Variants in FGB observed in about 807,000 individuals in gnomAD.
The protein encoded by FGB is fibrinogen beta chain, also known as beta-fibrinogen.
A neutral mutation model predicts 57.9 loss-of-function variants in FGB; 25 were observed. The observed-to-expected ratio is 0.43, with a 90% CI of 0.31 to 0.60. The LOEUF is 0.60. FGB is among the 20% of genes least tolerant of loss of function. The probability of loss-of-function intolerance (pLI) is 0.08; values close to 1 mark genes in which losing one functional copy is unlikely to be tolerated. For synonymous variants in FGB, 203 were observed against 199.2 expected (o/e 1.02, Z -0.16); for missense variants, 536 against 598.4 (o/e 0.90, Z 1.09).
chr4:154,568,583 T>C (rs1661717041), intron 5 of FGB, 89 bp downstream of exon 5: 1 of 794,080 alleles, frequency 1.3e-6, no homozygotes, highest in African/African-American at 1.7e-5. Flanking sequence ...TGGTGGCTCA[T>C]ACCTGTAATT....
In FGB at chr4:154,566,431, A is replaced by C. The variant is rs1041760497; in HGVS notation, c.307-58A>C. On this transcript the variant is annotated intron_variant, in intron 2 of 7. Transcript: ENST00000302068. ...GCTGAATTTTCCTATGTGCTATTTT[A>C]ACAAATGTCCATGACCCAAATCCTT... 2.0e-6 allele frequency: 3 copies of C among 1,506,536 alleles called. No individual in the cohort carries two copies. The African/African-American group carries it at 4.1e-5, about 21-fold the overall frequency. The allele number at this position is 1,506,536 out of a possible 1,614,324, so 93.3% of individuals were successfully genotyped here.
Position 154,568,363 on chromosome 4 carries a change from G to T in FGB, c.719-18G>T, listed in dbSNP as rs1467274027. The T allele has an allele frequency of 7.8e-7, 1 of 1,277,042 alleles. No individual in the cohort carries two copies. Among genetic ancestry groups the T allele is most frequent in the Non-Finnish European group, 1.1e-6 (1 of 872,358 alleles). The allele number at this position is 1,277,042 out of a possible 1,614,324, so 79.1% of individuals were successfully genotyped here. A position where few individuals can be genotyped will look rare whatever the true frequency, so the allele number is the denominator to read the frequency against. On this transcript the variant is annotated intron_variant, in intron 4 of 7. Coordinates refer to ENST00000302068, the MANE Select transcript of FGB (RefSeq NM_005141.5). The stretch of plus-strand genomic sequence containing the variant: ...TATGTCATAAACCCCTGAACATAAT[G>T]TTGTCTTACATTTGCAGAATGTGAG...
In FGB at chr4:154,567,625, G is replaced by A. The variant is rs1730213807; in HGVS notation, c.523G>A (p.Glu175Lys). 2.5e-6 allele frequency: 4 copies of A among 1,610,222 alleles called. No homozygotes were observed. Among genetic ancestry groups the A allele is most frequent in the Non-Finnish European group, 3.4e-6 (4 of 1,176,560 alleles). The change falls in exon 4 of 8, where the codon GAA (glutamate) becomes AAA (lysine). Residue 175 changes from glutamate to lysine, a missense_variant. By Grantham distance (56) the Glu-to-Lys change is moderately conservative (BLOSUM62 1). Transcript: ENST00000302068. The part of the protein sequence containing the change: ...NENVVNEYSS[E>K]LEKHQLYIDE... ...AAATGTAGTCAATGAGTACTCCTCA[G>A]AACTGGAAAAGCACCAATTATATAT... is the stretch of plus-strand genomic sequence containing the variant.
intron 1 of FGB, 35 bp downstream of exon 1, chr4:154,563,167 G>A (rs1458513913): frequency 9.5e-6 from 8 of 840,058 alleles, no homozygotes; most frequent in African/African-American, 1.7e-5. Context: ...ATTATTAGTA[G>A]TATTATTAAT....
chr4:154,568,898 C>T (rs1730292184), intron 5 of FGB, among the ~76,000 whole-genome samples: 1 of 151,948 alleles, frequency 6.6e-6, no homozygotes, highest in South Asian at 2.1e-4. Context: ...CAAGACTTAG[C>T]TCTAACATCT....
In FGB at chr4:154,571,670, C is replaced by CT. The variant is rs1315462849; in HGVS notation, c.*1028dup. On this transcript the variant is annotated 3_prime_UTR_variant, in exon 8 of 8. Coordinates refer to ENST00000302068, the MANE Select transcript of FGB (RefSeq NM_005141.5). ...AGGTCTATTCTTGTCCTCAATTAGG[C>CT]TTTTTTTTCTTCATAGTTACACCAG... Among the ~76,000 whole-genome samples, 6 of 151,834 alleles carry CT rather than the reference C, an allele frequency of 4.0e-5. No homozygotes were observed. In the East Asian group the frequency reaches 1.2e-3, roughly 29 times the overall value.
chr4:154,568,061 C>T (rs936638451), intron 4 of FGB, among the ~76,000 whole-genome samples: 3 of 152,102 alleles, frequency 2.0e-5, no homozygotes, highest in African/African-American at 4.8e-5. Flanking sequence ...TGTGCATCTG[C>T]GTACTGGCTT....
chr4:154,564,011 G>T (rs748964022), intron 1 of FGB, among the ~76,000 whole-genome samples: 1 of 151,914 alleles, frequency 6.6e-6, no homozygotes, highest in Non-Finnish European at 1.5e-5. Context: ...GACTCTACAT[G>T]TAAGAACATA....
intron 1 of FGB, among the ~76,000 whole-genome samples, chr4:154,563,620 C>T (rs1730038650): frequency 6.6e-6 from 1 of 151,860 alleles, no homozygotes; most frequent in Non-Finnish European, 1.5e-5. Context: ...AAGCAAAATA[C>T]ATCAAGTGTA....
chr4:154,568,991 G>A (rs576117313), intron 5 of FGB, among the ~76,000 whole-genome samples, 191 bp from the exon 6 acceptor site: 1 of 152,206 alleles, frequency 6.6e-6, no homozygotes, highest in South Asian at 2.1e-4. Flanking sequence ...TCACAATTTG[G>A]GGTAAGATAA....
In FGB at chr4:154,569,235, T is replaced by C; in HGVS notation, c.886T>C (p.Trp296Arg). Residue 296 changes from tryptophan to arginine, a missense_variant, in exon 6 of 8, where the codon TGG (tryptophan) becomes CGG (arginine). By Grantham distance (101) the Trp-to-Arg change is moderately radical. Transcript: ENST00000302068. ...QDGSVDFGRKWDPYKQGFGNV... is the reference protein window; with the variant it reads ...QDGSVDFGRKRDPYKQGFGNV... ...CGGTAGTGTTGACTTTGGCAGGAAA[T>C]GGGATCCATATAAACAGGGATTTGG... 6.2e-7 allele frequency: 1 copy of C among 1,614,034 alleles called. No homozygotes were observed.
rs1464691537 is a variant in FGB, at chr4:154,571,393, T to C, written c.*743T>C. ...GCAGGTGCCTGTAGTCCCAGCTACC[T>C]GTGAGGTGGAGATTGCATTGAGCCA... On this transcript the variant is annotated 3_prime_UTR_variant, in exon 8 of 8. Transcript: ENST00000302068. 6.6e-6 allele frequency among the ~76,000 whole-genome samples: 1 copy of C among 150,906 alleles called. No individual in the cohort carries two copies. The highest frequency in any genetic ancestry group is 1.5e-5 in the Non-Finnish European group (1 of 67,852).
intron 3 of FGB, among the ~76,000 whole-genome samples, chr4:154,567,236 G>C (rs1028713083): frequency 1.3e-5 from 2 of 152,156 alleles, no homozygotes; most frequent in Non-Finnish European, 2.9e-5. Flanking sequence ...ATGTGAAATG[G>C]ATAAATAAAT....
chr4:154,566,753 A>C (rs1187275673), intron 3 of FGB, 81 bp downstream of exon 3: 1 of 1,349,564 alleles, frequency 7.4e-7, no homozygotes, highest in Non-Finnish European at 1.1e-6. Flanking sequence ...CATGGTTGTG[A>C]GAAGATTAAC....
chr4:154,563,098 T>C lies in FGB; in HGVS notation c.80T>C (p.Leu27Pro), dbSNP rs1442627097. The C allele has an allele frequency of 3.3e-5, 52 of 1,568,030 alleles. No individual in the cohort carries two copies. Among genetic ancestry groups the C allele is most frequent in the Non-Finnish European group, 4.4e-5 (51 of 1,152,438 alleles). Residue 27 changes from leucine (L) to proline (P), a missense_variant, in exon 1 of 8, where the codon CTA becomes CCA. Leu to Pro is a moderately conservative substitution (Grantham distance 98). Transcript: ENST00000302068. ...HLLLLLLCVF[L>P]VKSQGVNDNE... ...TTATTGCTACTATTGTGTGTTTTTC[T>C]AGTTAAGTCCCAAGGTGTCAACGAC...
At position 154,569,782 on chromosome 4, in the gene FGB, CAG is replaced by C; in HGVS notation, c.1231_1232del (p.Asp411GlnfsTer2). The C allele has an allele frequency of 1.2e-6, 2 of 1,614,146 alleles. No homozygotes were observed. The highest frequency in any genetic ancestry group is 1.7e-6 in the Non-Finnish European group (2 of 1,180,014). ...ACGGCATGTTCTTCAGCACGTATGA[CAG>C]AGACAATGACGGCTGGTATGTGTGG... is the stretch of plus-strand genomic sequence containing the variant. Reference protein sequence around the residue: ...HNGMFFSTYDRDNDGWLTSDP... With the variant: ...HNGMFFSTYDXDNDGWLTSDP... On this transcript the variant is annotated frameshift_variant, in exon 7 of 8. Coordinates refer to ENST00000302068, the MANE Select transcript of FGB (RefSeq NM_005141.5). LOFTEE classifies it high-confidence loss of function.
In FGB at chr4:154,565,377, T is replaced by A. The variant is rs1222909643; in HGVS notation, c.115-431T>A. On this transcript the variant is annotated intron_variant, in intron 1 of 7. Transcript: ENST00000302068. ...TTAATGTCTCTTAAATATGTTTATATAGGAGTCTAATCACCAATTCACAAA... is the reference window on the plus strand; with the variant it reads ...TTAATGTCTCTTAAATATGTTTATAAAGGAGTCTAATCACCAATTCACAAA... 7 of 284,908 alleles carry A rather than the reference T, an allele frequency of 2.5e-5. No homozygotes were observed. In the East Asian group the frequency reaches 5.2e-4, roughly 21 times the overall value. 17.6% of individuals were successfully genotyped at this position (284,908 alleles called of 1,614,324 possible). A position where few individuals can be genotyped will look rare whatever the true frequency, so the allele number is the denominator to read the frequency against.
Position 154,563,151 on chromosome 4 carries a change from T to G in FGB, c.114+19T>G. 3 of 983,082 alleles carry G rather than the reference T, an allele frequency of 3.1e-6. No homozygotes were observed. Among genetic ancestry groups the G allele is most frequent in the Non-Finnish European group, 4.7e-6 (3 of 634,272 alleles). The allele number at this position is 983,082 out of a possible 1,614,324, so 60.9% of individuals were successfully genotyped here. A position where few individuals can be genotyped will look rare whatever the true frequency, so the allele number is the denominator to read the frequency against. On this transcript the variant is annotated intron_variant, in intron 1 of 7. Transcript: ENST00000302068. ...TGAGGAGGTGAATTTTTTAAAGCATTATTATATTATTAGTAGTATTATTAA... is the reference window on the plus strand; with the variant it reads ...TGAGGAGGTGAATTTTTTAAAGCATGATTATATTATTAGTAGTATTATTAA...
rs1357781887 is a variant in FGB, at chr4:154,571,983, C to T, written c.*1333C>T. On this transcript the variant is annotated 3_prime_UTR_variant, in exon 8 of 8. Transcript: ENST00000302068. ...AACTTTTGACCTGGTTTCTCTGCCACAAGTTCTGTCCCACTGGAGCCCATA... is the reference window on the plus strand; with the variant it reads ...AACTTTTGACCTGGTTTCTCTGCCATAAGTTCTGTCCCACTGGAGCCCATA... Among the ~76,000 whole-genome samples, 2 of 152,174 alleles carry T rather than the reference C, an allele frequency of 1.3e-5. No homozygotes were observed. The highest frequency in any genetic ancestry group is 1.3e-4 in the Admixed American group (2 of 15,274).
Sources: allele counts gnomAD v4.1 joint callset (sites outside exome capture counted in the v4.1 genomes callset), GRCh38; gene constraint gnomAD v4.1.1; transcripts MANE v1.5; gene names NCBI Gene and HGNC (gene_info 2026-07-23, HGNC 2026-07-21).